Variants in FAM161A observed in about 807,000 individuals in gnomAD.
FAM161A encodes the protein FAM161 centrosomal protein A, also known as protein FAM161A.
In FAM161A, 57 loss-of-function variants were observed where a neutral mutation model predicts 70.9. The observed-to-expected ratio is 0.80, with a 90% CI of 0.65 to 1.00. The LOEUF is 1.00. FAM161A is among the 50% of genes least tolerant of loss of function. The pLI is 0.00. For synonymous variants in FAM161A, 299 were observed against 295.7 expected (o/e 1.01, Z -0.12); for missense variants, 880 against 836.0 (o/e 1.05, Z -0.65).
chr2:61,852,967 G>A (rs1445531127), intron 1 of FAM161A, among the ~76,000 whole-genome samples: 1 of 139,564 alleles, frequency 7.2e-6, no homozygotes, highest in Non-Finnish European at 1.5e-5. Flanking sequence ...TTTTGAGACT[G>A]GGTCTGAGAT....
chr2:61,825,433 C>G lies in FAM161A; in HGVS notation c.*1022G>C, dbSNP rs1156913957. The G allele has an allele frequency of 2.2e-6, 1 of 453,950 alleles. No homozygotes were observed. The highest frequency in any genetic ancestry group is 4.4e-6 in the Non-Finnish European group (1 of 226,780). 28.1% of individuals were successfully genotyped at this position (453,950 alleles called of 1,614,324 possible). A position where few individuals can be genotyped will look rare whatever the true frequency, so the allele number is the denominator to read the frequency against. On this transcript the variant is annotated 3_prime_UTR_variant, in exon 7 of 7. Coordinates refer to ENST00000404929, the MANE Select transcript of FAM161A (RefSeq NM_001201543.2). Reference sequence around the variant, plus strand: ...CTTGCCCCTAATTTAGATTATAACTCACACATGCCATAATTACTTCCATCT... The same window carrying G: ...CTTGCCCCTAATTTAGATTATAACTGACACATGCCATAATTACTTCCATCT...
the FAM161A span, among the ~76,000 whole-genome samples, chr2:61,802,241 T>G: frequency 6.6e-6 from 1 of 152,184 alleles, no homozygotes; most frequent in Non-Finnish European, 1.5e-5. Context: ...ACCCAGGATG[T>G]GCTCCCACTT....
intron 2 of FAM161A, among the ~76,000 whole-genome samples, chr2:61,840,902 C>T (rs777317376): frequency 2.6e-5 from 4 of 152,112 alleles, no homozygotes; most frequent in African/African-American, 4.8e-5. Flanking sequence ...TGCCTGCCTC[C>T]GCCTCCCAAA....
At chr2:61,850,489 C>T (rs573662365) in intron 1 of FAM161A, among the ~76,000 whole-genome samples, 2 of 152,112 alleles carry the variant, frequency 1.3e-5, no homozygotes, top group African/African-American at 4.8e-5. Flanking sequence ...CAGTGGCTCA[C>T]GCCTATAATC....
chr2:61,848,493 T>C (rs1673312006), intron 1 of FAM161A, among the ~76,000 whole-genome samples: 1 of 151,966 alleles, frequency 6.6e-6, no homozygotes, highest in Admixed American at 6.6e-5. Flanking sequence ...TAGCATCCTC[T>C]CCCTTTAATC....
At chr2:61,809,555 G>A in the FAM161A span, among the ~76,000 whole-genome samples, 1 of 152,112 alleles carries the variant, frequency 6.6e-6, no homozygotes, top group African/African-American at 2.4e-5. Context: ...AGCTTAGTTT[G>A]GATTCCCCCA....
chr2:61,838,429 C>T, intron 4 of FAM161A, 109 bp downstream of exon 4: 1 of 938,560 alleles, frequency 1.1e-6, no homozygotes, highest in Non-Finnish European at 1.6e-6. Context: ...AATCCATAAG[C>T]TAAAACACTA....
intron 4 of FAM161A, chr2:61,836,339 C>T: frequency 2.1e-6 from 1 of 472,336 alleles, no homozygotes; most frequent in African/African-American, 2.0e-5. Context: ...GTTCTGAGAT[C>T]ACACATATTA....
chr2:61,852,737 T>C (rs1673539175), intron 1 of FAM161A, among the ~76,000 whole-genome samples: 2 of 152,140 alleles, frequency 1.3e-5, no homozygotes, highest in Admixed American at 1.3e-4. Flanking sequence ...TGTCTGTTGG[T>C]GAAAGATTGG....
downstream of FAM161A, among the ~76,000 whole-genome samples, chr2:61,824,193 A>ATTTTTTTTTTT (rs5831622): frequency 7.8e-6 from 1 of 127,804 alleles, no homozygotes; most frequent in Non-Finnish European, 1.6e-5. Context: ...CGCCTGGCTA[A>ATTTTTTTTTTT]TTTTTTTTTT....
Position 61,827,612 on chromosome 2 carries a change from A to AC in FAM161A, c.1852-355_1852-354insG, listed in dbSNP as rs1311568840. On this transcript the variant is annotated intron_variant, in intron 5 of 6. Coordinates refer to ENST00000404929, the MANE Select transcript of FAM161A (RefSeq NM_001201543.2). ...GTGACAGAACAAGACTCTGTCTCAA[A>AC]AAAAAAAAAAAAAAAAATATGGATT... Among the ~76,000 whole-genome samples, 21 of 150,834 alleles carry AC rather than the reference A, an allele frequency of 1.4e-4. No individual in the cohort carries two copies. The East Asian group carries it at 3.3e-3, about 24-fold the overall frequency.
the FAM161A span, among the ~76,000 whole-genome samples, chr2:61,813,872 C>T: frequency 2.6e-5 from 4 of 152,152 alleles, no homozygotes; most frequent in African/African-American, 4.8e-5. Flanking sequence ...ATATACTAGG[C>T]TCTGGGCCAG....
the FAM161A span, among the ~76,000 whole-genome samples, chr2:61,801,574 T>G: frequency 6.6e-6 from 1 of 150,416 alleles, no homozygotes; most frequent in Admixed American, 6.6e-5. Context: ...TTTGGTTTTT[T>G]TTTTTTTTTG....
At chr2:61,822,097 T>C (rs967248006), downstream of FAM161A, among the ~76,000 whole-genome samples, 39 of 151,756 alleles carry the variant, frequency 2.6e-4, no homozygotes, top group African/African-American at 9.0e-4. Context: ...CCCTGATTAT[T>C]ACTTCCTCCC....
rs374656732 is a variant in FAM161A at position 61,840,436 on chromosome 2, T to C, written c.568A>G (p.Arg190Gly). 2.5e-6 allele frequency: 4 copies of C among 1,613,998 alleles called. No homozygotes were observed. The highest frequency in any genetic ancestry group is 2.2e-5 in the East Asian group (1 of 44,890). ...NLEKEYPRKN[R>G]MMTYAKELIN... is the part of the protein sequence containing the mutation. ...AGCTCCTTAGCATAGGTCATCATTC[T>C]GTTTTTCCTAGGATACTCTTTTTCT... Residue 190 changes from arginine (R) to glycine (G), a missense_variant, in exon 3 of 7, where the codon AGA (arginine) becomes GGA (glycine). Arg to Gly is a moderately radical substitution (Grantham distance 125). Coordinates refer to ENST00000404929, the MANE Select transcript of FAM161A (RefSeq NM_001201543.2).
chr2:61,847,937 C>T (rs534298014), intron 1 of FAM161A, among the ~76,000 whole-genome samples: 1 of 152,034 alleles, frequency 6.6e-6, no homozygotes, highest in African/African-American at 2.4e-5. Context: ...GGGAAGAGGG[C>T]AGTTACTCCC....
At chr2:61,823,412 T>C (rs1019029966), downstream of FAM161A, among the ~76,000 whole-genome samples, 1 of 149,052 alleles carries the variant, frequency 6.7e-6, no homozygotes, top group East Asian at 2.0e-4. Flanking sequence ...CTTTGTTACC[T>C]AGGTTGGAGT....
At chr2:61,823,226 G>C (rs1371910011), downstream of FAM161A, among the ~76,000 whole-genome samples, 2 of 150,946 alleles carry the variant, frequency 1.3e-5, no homozygotes, top group Non-Finnish European at 3.0e-5. Context: ...CCAGCTACTC[G>C]GGAGGTGGAG....
chr2:61,807,343 A>T, the FAM161A span, among the ~76,000 whole-genome samples: 1 of 151,754 alleles, frequency 6.6e-6, no homozygotes, highest in Non-Finnish European at 1.5e-5. Context: ...AATAAAAGGC[A>T]CTTAGGAAGG....
Sources: gnomAD v4.1 joint callset for allele counts (sites outside exome capture counted in the v4.1 genomes callset) on GRCh38, gnomAD v4.1.1 for gene constraint, MANE v1.5 for transcripts, NCBI Gene and HGNC (gene_info 2026-07-23, HGNC 2026-07-21) for gene names.